The following TNR variants were observed in gnomAD, a reference collection of about 807,000 sequenced individuals.
TNR encodes the protein tenascin-R.
TNR carries 45 observed loss-of-function variants against 150.4 expected under a neutral mutation model. The observed-to-expected ratio is 0.30, with a 90% CI of 0.24 to 0.38. TNR has a LOEUF of 0.38. TNR is among the 10% of genes least tolerant of loss of function. TNR has a pLI of 1.00. For missense variants in TNR, 1,544 were observed against 1,759.1 expected (o/e 0.88, Z 2.19); for synonymous variants, 687 against 678.4 (o/e 1.01, Z -0.20).
intron 1 of TNR, among the ~76,000 whole-genome samples, chr1:175,646,136 G>A (rs554263885): frequency 1.6e-4 from 24 of 152,304 alleles, no homozygotes; most frequent in African/African-American, 5.8e-4. Context: ...TTATATCAGA[G>A]TGTCTCCCCA....
At chr1:175,606,861 C>T (rs1261801178) in intron 1 of TNR, among the ~76,000 whole-genome samples, 1 of 152,170 alleles carries the variant, frequency 6.6e-6, no homozygotes, top group Non-Finnish European at 1.5e-5. Context: ...GGGGTCAAGT[C>T]TGAAGAAGCT....
At chr1:175,621,482 C>A (rs1663975575) in intron 1 of TNR, among the ~76,000 whole-genome samples, 3 of 152,156 alleles carry the variant, frequency 2.0e-5, no homozygotes, top group African/African-American at 7.2e-5. Context: ...TTCCTCTGGC[C>A]ATTATCCTCA....
At chr1:175,361,986 T>G (rs1168231620) in intron 14 of TNR, among the ~76,000 whole-genome samples, 1 of 152,204 alleles carries the variant, frequency 6.6e-6, no homozygotes, top group Non-Finnish European at 1.5e-5. Flanking sequence ...TTTCCCATAT[T>G]GCAAGCCAGT....
intron 1 of TNR, among the ~76,000 whole-genome samples, chr1:175,552,843 C>A (rs1660999803): frequency 1.3e-5 from 2 of 152,144 alleles, no homozygotes; most frequent in Non-Finnish European, 2.9e-5. Flanking sequence ...AGATTTAATT[C>A]TTGGCTTCAG....
intron 2 of TNR, among the ~76,000 whole-genome samples, chr1:175,437,397 C>T (rs185588376): frequency 1.3e-5 from 2 of 152,188 alleles, no homozygotes; most frequent in Non-Finnish European, 1.5e-5. Context: ...GGGAAATTTA[C>T]AGCACTAAAT....
intron 1 of TNR, among the ~76,000 whole-genome samples, chr1:175,731,718 G>A (rs1343427353): frequency 6.6e-6 from 1 of 152,118 alleles, no homozygotes; most frequent in Non-Finnish European, 1.5e-5. Context: ...GCTGCCTGTG[G>A]GTAGTTGTTC....
chr1:175,640,408 A>G (rs534649778), intron 1 of TNR, among the ~76,000 whole-genome samples: 6 of 152,334 alleles, frequency 3.9e-5, no homozygotes, highest in African/African-American at 1.4e-4. Flanking sequence ...CTTGGTTGTT[A>G]AGCCATGTAC....
intron 1 of TNR, among the ~76,000 whole-genome samples, chr1:175,726,551 T>C (rs1667485374): frequency 6.6e-6 from 1 of 152,242 alleles, no homozygotes; most frequent in South Asian, 2.1e-4. Context: ...AAAACTACCC[T>C]CCTTGTCTGT....
intron 2 of TNR, among the ~76,000 whole-genome samples, chr1:175,447,915 G>A (rs1412322644): frequency 1.3e-5 from 2 of 152,320 alleles, no homozygotes; most frequent in East Asian, 3.9e-4. Context: ...GATAATCCGT[G>A]AGAAACCTTT....
chr1:175,363,506 G>A (rs758056616), intron 13 of TNR, among the ~76,000 whole-genome samples: 1 of 152,198 alleles, frequency 6.6e-6, no homozygotes, highest in Non-Finnish European at 1.5e-5. Flanking sequence ...CTCTCTGGGT[G>A]AATGTAATCA....
intron 1 of TNR, among the ~76,000 whole-genome samples, chr1:175,581,578 TGTG>T (rs1025400122): frequency 6.6e-6 from 1 of 152,070 alleles, no homozygotes; most frequent in African/African-American, 2.4e-5. Flanking sequence ...GCAGAGAAAA[TGTG>T]GTGGGAGTTC....
At chr1:175,680,604 G>A (rs770172677) in intron 1 of TNR, among the ~76,000 whole-genome samples, 17 of 152,108 alleles carry the variant, frequency 1.1e-4, no homozygotes, top group African/African-American at 1.7e-4. Context: ...AGTGAAGCAC[G>A]AAGGCTGGGG....
chr1:175,323,570 A>G, intron 22 of TNR, 94 bp from the exon 23 acceptor site: 1 of 1,527,948 alleles, frequency 6.5e-7, no homozygotes, highest in Non-Finnish European at 8.9e-7. Context: ...GGAATCCACA[A>G]TGTGGGGTTA....
intron 1 of TNR, among the ~76,000 whole-genome samples, chr1:175,537,013 C>T (rs1660317999): frequency 6.6e-6 from 1 of 152,146 alleles, no homozygotes; most frequent in Non-Finnish European, 1.5e-5. Context: ...TTTTTGCCCA[C>T]AGCCTCTCTG....
chr1:175,615,369 C>T (rs887652069), intron 1 of TNR, among the ~76,000 whole-genome samples: 10 of 152,180 alleles, frequency 6.6e-5, no homozygotes, highest in African/African-American at 2.4e-4. Context: ...AGTAACTCCT[C>T]CTTTTTCAGA....
intron 2 of TNR, among the ~76,000 whole-genome samples, chr1:175,438,982 T>C (rs1655649991): frequency 6.6e-6 from 1 of 152,162 alleles, no homozygotes; most frequent in South Asian, 2.1e-4. Flanking sequence ...GCCATCCCCA[T>C]CAAGCTACCA....
intron 2 of TNR, among the ~76,000 whole-genome samples, chr1:175,452,253 G>A (rs1656360005): frequency 6.6e-6 from 1 of 152,246 alleles, no homozygotes; most frequent in South Asian, 2.1e-4. Context: ...CTGTGTGCAG[G>A]CACTGTTCTG....
intron 2 of TNR, among the ~76,000 whole-genome samples, chr1:175,472,288 T>C (rs1320470506): frequency 6.6e-6 from 1 of 152,156 alleles, no homozygotes; most frequent in Non-Finnish European, 1.5e-5. Context: ...TCAACCCCTG[T>C]GATAACAATG....
At position 175,323,338 on chromosome 1, in the gene TNR, G is replaced by T. The variant is rs761786651; in HGVS notation, c.*19C>A. The T allele has an allele frequency of 6.2e-7, 1 of 1,609,558 alleles. No homozygotes were observed. The highest frequency in any genetic ancestry group is 1.3e-5 in the African/African-American group (1 of 74,682). ...AACAAATGACAGAAAATATTGGTTG[G>T]CTTGCAGCCGCCCACTGCTCAGAAC... On this transcript the variant is annotated 3_prime_UTR_variant, in exon 23 of 23. Coordinates refer to ENST00000367674, the MANE Select transcript of TNR (RefSeq NM_003285.3).
Sources: gnomAD v4.1 joint callset for allele counts (sites outside exome capture counted in the v4.1 genomes callset) on GRCh38, gnomAD v4.1.1 for gene constraint, MANE v1.5 for transcripts, NCBI Gene and HGNC (gene_info 2026-07-23, HGNC 2026-07-21) for gene names.